The following PCNX2 variants were observed in gnomAD, a reference collection of about 807,000 sequenced individuals.
PCNX2 encodes pecanex-like protein 2.
A neutral mutation model predicts 223.8 loss-of-function variants in PCNX2; 168 were observed. That is an observed-to-expected ratio of 0.75 (90% confidence interval 0.66 to 0.85). PCNX2 has a LOEUF of 0.85. PCNX2 is among the 40% of genes least tolerant of loss of function. PCNX2 has a pLI of 0.00. For synonymous variants in PCNX2, 1,006 were observed against 1,052.6 expected (o/e 0.96, Z 0.86); for missense variants, 2,507 against 2,675.5 (o/e 0.94, Z 1.39).
chr1:233,075,516 T>A (rs985106918), intron 23 of PCNX2, among the ~76,000 whole-genome samples: 9 of 152,166 alleles, frequency 5.9e-5, no homozygotes, highest in African/African-American at 2.2e-4. Flanking sequence ...TTTGTTTGTT[T>A]GTTACGTGTC....
chr1:233,148,544 G>A (rs1677601092), intron 19 of PCNX2, among the ~76,000 whole-genome samples: 1 of 151,540 alleles, frequency 6.6e-6, no homozygotes, highest in African/African-American at 2.4e-5. Context: ...GGGATTACAT[G>A]AGTGTGCCAC....
At chr1:233,130,923 G>C (rs563314517) in intron 21 of PCNX2, among the ~76,000 whole-genome samples, 2 of 152,088 alleles carry the variant, frequency 1.3e-5, no homozygotes, top group South Asian at 4.2e-4. Context: ...GGGCCCTCTG[G>C]AAGCTGTCTG....
chr1:233,000,520 G>A lies in PCNX2; in HGVS notation c.5113C>T (p.Pro1705Ser). Residue 1705 changes from proline to serine, a missense_variant, in exon 30 of 34, where the codon CCT (proline) becomes TCT (serine). Physicochemically the swap from Pro to Ser is moderately conservative, Grantham distance 74. This residue lies in a region of PCNX2 where 1,372 missense variants were observed against 1,509.4 expected (regional missense o/e 0.91). Transcript: ENST00000258229. This position sits in a 1 kb window ranked among gnomAD's most constrained non-coding sequence, Gnocchi z 4.6. ...ACTGCTGGGTCTTCATACTCGTCAG[G>A]GCAAGTGAACTGGTCCTGGTGGGAA... ...LKLHQDQFTC[P>S]DEYEDPAVLY... The A allele has an allele frequency of 6.3e-7, 1 of 1,597,722 alleles. No individual in the cohort carries two copies. The highest frequency in any genetic ancestry group is 1.1e-5 in the South Asian group (1 of 89,658).
intron 23 of PCNX2, among the ~76,000 whole-genome samples, chr1:233,072,605 C>T (rs571350797): frequency 6.6e-6 from 1 of 152,202 alleles, no homozygotes; most frequent in Admixed American, 6.5e-5. Context: ...TTTATCACAA[C>T]GTAGTGTTGT....
chr1:232,997,210 G>A (rs1669907208), intron 32 of PCNX2, among the ~76,000 whole-genome samples: 2 of 152,010 alleles, frequency 1.3e-5, no homozygotes, highest in African/African-American at 4.8e-5. Context: ...CTTTTTTCCT[G>A]GGCACCTCTT....
chr1:233,141,664 C>T (rs541815807), intron 19 of PCNX2, among the ~76,000 whole-genome samples: 1 of 151,866 alleles, frequency 6.6e-6, no homozygotes, highest in African/African-American at 2.4e-5. Context: ...CAGAGAGAGA[C>T]TCCATCTCAG....
At chr1:233,226,677 G>T (rs1416432911) in intron 10 of PCNX2, among the ~76,000 whole-genome samples, 1 of 152,206 alleles carries the variant, frequency 6.6e-6, no homozygotes, top group Non-Finnish European at 1.5e-5. Context: ...GTAGGAGGAG[G>T]TGAGAAAGGG....
intron 14 of PCNX2, among the ~76,000 whole-genome samples, chr1:233,199,299 AG>A (rs1225614063): frequency 6.6e-6 from 1 of 152,194 alleles, no homozygotes; most frequent in African/African-American, 2.4e-5. Context: ...GAATGAAGGT[AG>A]GGAGACCTCA....
chr1:233,021,559 A>T (rs1670891197), intron 26 of PCNX2, among the ~76,000 whole-genome samples: 1 of 152,152 alleles, frequency 6.6e-6, no homozygotes, highest in African/African-American at 2.4e-5. Flanking sequence ...TGTGGGTAGG[A>T]CATGGGAATG....
Position 233,017,005 on chromosome 1 carries a change from G to A in PCNX2, c.4755C>T (p.Val1585=), listed in dbSNP as rs927102187. The A allele has an allele frequency of 6.2e-7, 1 of 1,613,966 alleles. No individual in the cohort carries two copies. The highest frequency in any genetic ancestry group is 1.1e-5 in the South Asian group (1 of 91,078). Residue 1585 remains valine, a synonymous_variant, in exon 27 of 34, where the codon GTC becomes GTT. Coordinates refer to ENST00000258229, the MANE Select transcript of PCNX2 (RefSeq NM_014801.4). ...MFNINIDDDY[V]PCLQGITRAS... ...CTCGTGTGATCCCCTGGAGACACGG[G>A]ACGTAGTCATCATCAATGTTAATGT... is the stretch of plus-strand genomic sequence containing the variant.
At chr1:233,010,837 C>T (rs1016544114) in intron 28 of PCNX2, among the ~76,000 whole-genome samples, 3 of 152,106 alleles carry the variant, frequency 2.0e-5, no homozygotes, top group Non-Finnish European at 2.9e-5. Context: ...TTTCAATGTA[C>T]TCATCCTCCC....
intron 9 of PCNX2, among the ~76,000 whole-genome samples, chr1:233,233,877 C>T (rs1030666792): frequency 6.6e-6 from 1 of 152,002 alleles, no homozygotes; most frequent in Non-Finnish European, 1.5e-5. Context: ...ACCTCCAGGC[C>T]CCTTTGGCCA....
intron 15 of PCNX2, among the ~76,000 whole-genome samples, chr1:233,193,150 A>T (rs906118140): frequency 6.7e-6 from 1 of 149,902 alleles, no homozygotes; most frequent in African/African-American, 2.4e-5. Flanking sequence ...TTCCTAGTAC[A>T]CAATAACTTC....
intron 17 of PCNX2, among the ~76,000 whole-genome samples, chr1:233,167,093 C>T (rs964644489): frequency 6.6e-6 from 1 of 152,194 alleles, no homozygotes; most frequent in Admixed American, 6.5e-5. Flanking sequence ...TGTGCTACCA[C>T]GTGTATTGCA....
intron 23 of PCNX2, chr1:233,087,258 C>A: frequency 2.1e-6 from 2 of 968,792 alleles, no homozygotes; most frequent in South Asian, 9.5e-5. Flanking sequence ...AGTGAGGGAG[C>A]AGAGGTGAAA....
chr1:233,250,440 G>A, intron 8 of PCNX2: 9 of 594,348 alleles, frequency 1.5e-5, no homozygotes, highest in Non-Finnish European at 1.9e-5. Context: ...ATGTGTTTGA[G>A]AGCTGTATCA....
intron 15 of PCNX2, among the ~76,000 whole-genome samples, chr1:233,190,409 T>C (rs1680354151): frequency 6.6e-6 from 1 of 152,194 alleles, no homozygotes; most frequent in East Asian, 1.9e-4. Context: ...TAATAGGTGC[T>C]GCATCTTCAA....
intron 8 of PCNX2, chr1:233,241,106 A>G (rs1658735858): frequency 1.1e-6 from 1 of 902,444 alleles, no homozygotes; most frequent in Non-Finnish European, 1.3e-6. Flanking sequence ...GTTTAACTAA[A>G]GCAGCACTGT....
chr1:233,062,145 T>C (rs983784792), intron 23 of PCNX2, among the ~76,000 whole-genome samples: 3 of 152,182 alleles, frequency 2.0e-5, no homozygotes, highest in Non-Finnish European at 1.5e-5. Flanking sequence ...TTACTAGAAA[T>C]TGAACTACTA....
Sources: gnomAD v4.1 joint callset for allele counts (sites outside exome capture counted in the v4.1 genomes callset) on GRCh38, gnomAD v4.1.1 for gene constraint, gnomAD v4.1.1 regional missense constraint, Gnocchi (gnomAD v3.1) non-coding constraint, MANE v1.5 for transcripts, NCBI Gene and HGNC (gene_info 2026-07-23, HGNC 2026-07-21) for gene names.